PTK2: variants seen among roughly 807,000 people sequenced by gnomAD.
PTK2 encodes focal adhesion kinase 1.
In PTK2, 45 loss-of-function variants were observed where a neutral mutation model predicts 150.1. The observed-to-expected ratio is 0.30, with a 90% CI of 0.24 to 0.38. PTK2 has a LOEUF of 0.38. PTK2 is among the 10% of genes least tolerant of loss of function. PTK2 has a pLI of 1.00. For synonymous variants in PTK2, 432 were observed against 449.2 expected, an observed-to-expected ratio of 0.96 and a Z score of 0.48; for missense variants, 919 against 1,307.3, an observed-to-expected ratio of 0.70 and a Z score of 4.58.
intron 21 of PTK2, among the ~76,000 whole-genome samples, chr8:140,738,385 A>G (rs1403024128): frequency 6.6e-6 from 1 of 152,220 alleles, no homozygotes; most frequent in Non-Finnish European, 1.5e-5. Context: ...AAATTTGGAT[A>G]AAGTAGTTTA....
In PTK2 at chr8:140,702,820, G is replaced by GC. The variant is rs964787651; in HGVS notation, c.2230-114dup. 8.4e-6 allele frequency: 10 copies of GC among 1,184,532 alleles called. 1 individual carries two copies. The highest frequency in any genetic ancestry group is 6.2e-5 in the African/African-American group (4 of 64,846). 73.4% of individuals were successfully genotyped at this position (1,184,532 alleles called of 1,614,324 possible). A position where few individuals can be genotyped will look rare whatever the true frequency, so the allele number is the denominator to read the frequency against. On this transcript the variant is annotated intron_variant, in intron 24 of 31. Coordinates refer to ENST00000522684, the Ensembl canonical transcript of PTK2. ...GAATATTGTGGTAGGCAGAATTATG[G>GC]CCCCCCAAAGATACCCATGTTCTAA... is the stretch of plus-strand genomic sequence containing the variant.
intron 25 of PTK2, 96 bp downstream of exon 28, chr8:140,702,474 C>T: frequency 6.9e-7 from 1 of 1,439,658 alleles, no homozygotes; most frequent in South Asian, 1.4e-5. Context: ...CTACTTCAGC[C>T]TCCCAAAAGT....
chr8:140,791,969 G>C (rs1279269270), intron 13 of PTK2, among the ~76,000 whole-genome samples: 1 of 152,182 alleles, frequency 6.6e-6, no homozygotes, highest in Non-Finnish European at 1.5e-5. Flanking sequence ...AGCAAGAGTA[G>C]GTCATGTAAG....
chr8:140,703,162 G>A (rs2100031703), intron 24 of PTK2, among the ~76,000 whole-genome samples: 2 of 152,076 alleles, frequency 1.3e-5, no homozygotes, highest in African/African-American at 4.8e-5. Flanking sequence ...CAGCTAATTG[G>A]GAGGCTAAGG....
intron 1 of PTK2, among the ~76,000 whole-genome samples, chr8:140,965,365 T>C (rs960427507): frequency 1.4e-4 from 21 of 152,212 alleles, no homozygotes; most frequent in Admixed American, 1.1e-3. Context: ...CTGTTCTGTC[T>C]CACCCCAGGT....
intron 1 of PTK2, among the ~76,000 whole-genome samples, chr8:140,987,879 C>T (rs117060567): frequency 1.3e-5 from 2 of 151,980 alleles, no homozygotes; most frequent in Admixed American, 1.3e-4. Context: ...CTCGTCTCTA[C>T]AAAAATGTTT....
At chr8:140,872,920 G>A (rs981235818) in intron 4 of PTK2, among the ~76,000 whole-genome samples, 3 of 152,148 alleles carry the variant, frequency 2.0e-5, no homozygotes, top group African/African-American at 7.2e-5. Flanking sequence ...TACTCACAAA[G>A]TTGTGCTAGG....
At chr8:140,751,699 C>G (rs573410519) in intron 17 of PTK2, among the ~76,000 whole-genome samples, 1 of 152,170 alleles carries the variant, frequency 6.6e-6, no homozygotes, top group African/African-American at 2.4e-5. Context: ...ACCATGTTGG[C>G]CAGACTGGTC....
chr8:140,721,796 C>T (rs575384561), intron 22 of PTK2: 1 of 152,298 alleles, frequency 6.6e-6, no homozygotes, highest in African/African-American at 2.4e-5. Context: ...TTTCAAGTGT[C>T]AAATAGTAGT....
In PTK2 at chr8:140,670,873, T is replaced by C. The variant is rs114392259; in HGVS notation, c.2710-2449A>G. On this transcript the variant is annotated intron_variant, in intron 29 of 31. Coordinates refer to ENST00000522684, the Ensembl canonical transcript of PTK2. ...AGACAATTCTGTAATTCTAGGGAGG[T>C]TGTCACCTGTTTAAAGCTTCTGTTC... Among the ~76,000 whole-genome samples, 581 of 152,180 alleles carry C rather than the reference T, an allele frequency of 3.8e-3. 5 individuals carry two copies. The highest frequency in any genetic ancestry group is 0.013 in the African/African-American group (556 of 41,528).
At chr8:140,755,418 C>T (rs956154763) in intron 16 of PTK2, among the ~76,000 whole-genome samples, 6 of 152,104 alleles carry the variant, frequency 3.9e-5, no homozygotes, top group African/African-American at 9.7e-5. Flanking sequence ...GTTTCCTATC[C>T]CTCTACTCCG....
At chr8:140,659,911 G>A (rs893790560) in intron 31 of PTK2, among the ~76,000 whole-genome samples, 1 of 152,102 alleles carries the variant, frequency 6.6e-6, no homozygotes, top group African/African-American at 2.4e-5. Context: ...TCCATGAGAA[G>A]AAAACTTTAT....
intron 14 of PTK2, among the ~76,000 whole-genome samples, chr8:140,768,852 T>C (rs1421168966): frequency 6.6e-6 from 1 of 152,194 alleles, no homozygotes; most frequent in Non-Finnish European, 1.5e-5. Context: ...CTCGTTATAC[T>C]CGTTATCAAT....
At chr8:140,866,160 T>TA (rs547988352) in intron 4 of PTK2, among the ~76,000 whole-genome samples, 11 of 151,238 alleles carry the variant, frequency 7.3e-5, no homozygotes, top group African/African-American at 1.5e-4. Context: ...TTCTGCAGAC[T>TA]AAAAAAAAAT....
chr8:140,680,945 CTT>C (rs1487278500), intron 27 of PTK2, among the ~76,000 whole-genome samples: 2 of 152,186 alleles, frequency 1.3e-5, no homozygotes, highest in African/African-American at 4.8e-5. Context: ...TAGGGTAAAA[CTT>C]TAACTCCGTA....
At chr8:140,950,971 AAT>A (rs2100179367) in intron 1 of PTK2, among the ~76,000 whole-genome samples, 1 of 152,016 alleles carries the variant, frequency 6.6e-6, no homozygotes, top group East Asian at 1.9e-4. Flanking sequence ...TAATATAAAT[AAT>A]ATATATATTT....
At chr8:140,840,242 T>G (rs538371787) in intron 7 of PTK2, among the ~76,000 whole-genome samples, 6 of 152,254 alleles carry the variant, frequency 3.9e-5, no homozygotes, top group African/African-American at 1.4e-4. Flanking sequence ...TAATTATTTG[T>G]AGAGATGAGG....
intron 12 of PTK2, among the ~76,000 whole-genome samples, chr8:140,797,282 G>A (rs1206664825): frequency 6.6e-6 from 1 of 152,068 alleles, no homozygotes. Flanking sequence ...ATACTAGGTT[G>A]TCTTTTACTG....
At chr8:140,705,123 A>G (rs1401940198) in intron 24 of PTK2, among the ~76,000 whole-genome samples, 1 of 152,194 alleles carries the variant, frequency 6.6e-6, no homozygotes, top group Admixed American at 6.5e-5. Flanking sequence ...GCGGCTAGAT[A>G]AAGAGGCTAA....
Sources: gnomAD v4.1 joint callset for allele counts (sites outside exome capture counted in the v4.1 genomes callset) on GRCh38, gnomAD v4.1.1 for gene constraint, MANE v1.5 for transcripts, NCBI Gene and HGNC (gene_info 2026-07-23, HGNC 2026-07-21) for gene names.